The following IQCJ variants were observed in gnomAD, a reference collection of about 807,000 sequenced individuals.
The protein encoded by IQCJ is IQ domain-containing protein J.
A neutral mutation model predicts 11.0 loss-of-function variants in IQCJ; 9 were observed. The ratio of observed to expected loss-of-function variants is 0.82; its 90% CI spans 0.49 to 1.43. The LOEUF is 1.43. Ranked by LOEUF, IQCJ falls within the 40% of genes most tolerant of loss-of-function variation. The pLI is 0.00. For synonymous variants in IQCJ, 55 were observed against 51.3 expected (o/e 1.07, Z -0.31); for missense variants, 146 against 133.2 (o/e 1.10, Z -0.47).
intron 1 of IQCJ, among the ~76,000 whole-genome samples, chr3:159,125,660 A>G (rs1413179355): frequency 1.3e-5 from 2 of 152,214 alleles, no homozygotes; most frequent in African/African-American, 2.4e-5. Context: ...GGAAATGGAT[A>G]TAGTTAAAAT....
chr3:159,121,295 G>A lies in IQCJ; in HGVS notation c.9+51854G>A, dbSNP rs530799917. 1.2e-4 allele frequency among the ~76,000 whole-genome samples: 18 copies of A among 151,722 alleles called. No individual in the cohort carries two copies. The South Asian group carries it at 1.7e-3, about 14-fold the overall frequency. On this transcript the variant is annotated intron_variant, in intron 1 of 3. Transcript: ENST00000397832. ...ACCACAGGCATGCATTACCATGCCC[G>A]GCTAATCAAAAAAATTTTTTTTAGA...
At chr3:159,247,568 ATTC>A (rs1272283148) in intron 2 of IQCJ, among the ~76,000 whole-genome samples, 1 of 152,224 alleles carries the variant, frequency 6.6e-6, no homozygotes, top group East Asian at 1.9e-4. Flanking sequence ...GTCAGTTCAG[ATTC>A]TTCTTGGCCT....
chr3:159,245,768 A>G, intron 1 of IQCJ, 75 bp from the exon 2 acceptor site: 1 of 1,293,602 alleles, frequency 7.7e-7, no homozygotes, highest in Non-Finnish European at 1.1e-6. Flanking sequence ...CAATTTTGCT[A>G]ACAGTTATGC....
chr3:159,206,202 C>T (rs1724649889), intron 1 of IQCJ, among the ~76,000 whole-genome samples: 1 of 152,176 alleles, frequency 6.6e-6, no homozygotes, highest in Admixed American at 6.5e-5. Context: ...AACCCACAAA[C>T]TCTTCTTCTA....
rs115245882 is a variant in IQCJ, at chr3:159,261,971, C to T, written c.156-577C>T. ...TATAAAACCCATGATGTGGTGCTCT[C>T]GCCTGCCTTGTGCCCCACAGCAGGG... is the stretch of plus-strand genomic sequence containing the variant. On this transcript the variant is annotated intron_variant, in intron 3 of 3. Coordinates refer to ENST00000397832, the MANE Select transcript of IQCJ (RefSeq NM_001042706.3). 9.7e-3 allele frequency among the ~76,000 whole-genome samples: 1,471 copies of T among 152,290 alleles called. 15 individuals carry two copies. The highest frequency in any genetic ancestry group is 0.014 in the African/African-American group (577 of 41,568).
rs1356720003 is a variant in IQCJ, at chr3:159,088,468, T to C, written c.9+19027T>C. On this transcript the variant is annotated intron_variant, in intron 1 of 3. Coordinates refer to ENST00000397832, the MANE Select transcript of IQCJ (RefSeq NM_001042706.3). ...TGCAGAGCTGAGTTCAATTCCTGGG[T>C]ATCCTTGTTGATTTTCTGTCTCATT... is the stretch of plus-strand genomic sequence containing the variant. Among the ~76,000 whole-genome samples the C allele has an allele frequency of 2.6e-5, 4 of 152,204 alleles. No homozygotes were observed. In the East Asian group the frequency reaches 7.7e-4, roughly 29 times the overall value.
intron 1 of IQCJ, among the ~76,000 whole-genome samples, chr3:159,130,681 G>A (rs1719940060): frequency 6.6e-6 from 1 of 152,136 alleles, no homozygotes; most frequent in Non-Finnish European, 1.5e-5. Flanking sequence ...TATTTATAGA[G>A]CATTTCCTGT....
At chr3:159,168,643 G>C (rs1722307335) in intron 1 of IQCJ, among the ~76,000 whole-genome samples, 1 of 152,080 alleles carries the variant, frequency 6.6e-6, no homozygotes, top group South Asian at 2.1e-4. Flanking sequence ...CATGAGATTA[G>C]TAGTTAAGGA....
intron 1 of IQCJ, among the ~76,000 whole-genome samples, chr3:159,233,119 A>G (rs1385807251): frequency 2.0e-5 from 3 of 152,030 alleles, no homozygotes; most frequent in Non-Finnish European, 4.4e-5. Flanking sequence ...TTTTGAACCC[A>G]CATCTGGACT....
chr3:159,251,327 A>G (rs1156984204), intron 2 of IQCJ, among the ~76,000 whole-genome samples: 1 of 151,876 alleles, frequency 6.6e-6, no homozygotes, highest in Non-Finnish European at 1.5e-5. Context: ...GACTATTTGA[A>G]TAGCTTTCTA....
In IQCJ at chr3:159,232,290, C is replaced by T. The variant is rs559738655; in HGVS notation, c.10-13553C>T. Reference sequence around the variant, plus strand: ...TTAGTCCTATAAATTTCCCTCTTAACACTGCTTTAGCTGTGTCCCAGAGAT... The same window carrying T: ...TTAGTCCTATAAATTTCCCTCTTAATACTGCTTTAGCTGTGTCCCAGAGAT... On this transcript the variant is annotated intron_variant, in intron 1 of 3. Coordinates refer to ENST00000397832, the MANE Select transcript of IQCJ (RefSeq NM_001042706.3). Among the ~76,000 whole-genome samples the T allele has an allele frequency of 2.6e-3, 396 of 152,086 alleles. 1 individual carries two copies. The highest frequency in any genetic ancestry group is 0.017 in the Middle Eastern group (5 of 294).
intron 1 of IQCJ, among the ~76,000 whole-genome samples, chr3:159,117,941 G>A (rs867234980): frequency 5.3e-5 from 8 of 152,220 alleles, no homozygotes; most frequent in East Asian, 3.9e-4. Context: ...TAATTACTCC[G>A]TGATGCGCCT....
chr3:159,091,264 C>T (rs59794476), intron 1 of IQCJ, among the ~76,000 whole-genome samples: 1 of 151,578 alleles, frequency 6.6e-6, no homozygotes, highest in Non-Finnish European at 1.5e-5. Context: ...AGACTGGGTG[C>T]CGTATTAACA....
At chr3:159,093,983 A>T (rs1717532002) in intron 1 of IQCJ, among the ~76,000 whole-genome samples, 1 of 151,836 alleles carries the variant, frequency 6.6e-6, no homozygotes, top group Non-Finnish European at 1.5e-5. Context: ...GGCACAGACA[A>T]ATCATATCAG....
chr3:159,153,911 C>T (rs1184717399), intron 1 of IQCJ, among the ~76,000 whole-genome samples: 1 of 152,202 alleles, frequency 6.6e-6, no homozygotes, highest in African/African-American at 2.4e-5. Flanking sequence ...CCACAGAAGA[C>T]TGGTTCCATG....
At chr3:159,161,137 CA>C (rs1302536835) in intron 1 of IQCJ, among the ~76,000 whole-genome samples, 1 of 151,812 alleles carries the variant, frequency 6.6e-6, no homozygotes, top group East Asian at 1.9e-4. Flanking sequence ...AACTAGTTTA[CA>C]GTCCCACCAA....
intron 1 of IQCJ, among the ~76,000 whole-genome samples, chr3:159,146,453 A>G (rs1720932913): frequency 2.0e-5 from 3 of 152,188 alleles, no homozygotes; most frequent in Admixed American, 6.5e-5. Context: ...CACATAAAAG[A>G]AGAAGGAGAG....
intron 1 of IQCJ, among the ~76,000 whole-genome samples, chr3:159,087,937 T>TCTTGCCTC (rs1716920433): frequency 6.7e-6 from 1 of 149,100 alleles, no homozygotes; most frequent in Non-Finnish European, 1.5e-5. Context: ...GCTCTGATTT[T>TCTTGCCTC]AGTTATTTCT....
At chr3:159,078,850 ATAGC>A (rs535914972) in intron 1 of IQCJ, among the ~76,000 whole-genome samples, 15 of 152,238 alleles carry the variant, frequency 9.9e-5, no homozygotes, top group African/African-American at 3.6e-4. Flanking sequence ...GAGGATAATG[ATAGC>A]TTTAACCTTC....
Sources: gnomAD v4.1 joint callset for allele counts (sites outside exome capture counted in the v4.1 genomes callset) on GRCh38, gnomAD v4.1.1 for gene constraint, MANE v1.5 for transcripts, NCBI Gene and HGNC (gene_info 2026-07-23, HGNC 2026-07-21) for gene names.